GNAL: variants seen among roughly 807,000 people sequenced by gnomAD.
The protein encoded by GNAL is guanine nucleotide-binding protein G(olf) subunit alpha.
GNAL carries 18 observed loss-of-function variants against 55.1 expected under a neutral mutation model. The observed-to-expected ratio is 0.33, with a 90% CI of 0.23 to 0.48. GNAL has a LOEUF of 0.48. GNAL is among the 20% of genes least tolerant of loss of function. The probability of loss-of-function intolerance (pLI) is 0.99; values close to 1 mark genes in which losing one functional copy is unlikely to be tolerated. For missense variants in GNAL, 412 were observed against 614.1 expected (o/e 0.67, Z 3.48); for synonymous variants, 253 against 237.0 (o/e 1.07, Z -0.62).
At chr18:11,876,478 C>G in intron 10 of GNAL, 143 bp from the exon 11 acceptor site, 1 of 634,846 alleles carries the variant, frequency 1.6e-6, no homozygotes, top group Non-Finnish European at 2.8e-6. Flanking sequence ...AAAAAAAGTA[C>G]ATGTTTGTTT....
chr18:11,811,971 C>G (rs190692156), intron 4 of GNAL, among the ~76,000 whole-genome samples: 5 of 152,260 alleles, frequency 3.3e-5, no homozygotes, highest in Non-Finnish European at 5.9e-5. Context: ...TATTTTATTT[C>G]TGTTCCCACA....
chr18:11,742,596 C>T (rs937822180), intron 1 of GNAL, among the ~76,000 whole-genome samples: 1 of 152,248 alleles, frequency 6.6e-6, no homozygotes, highest in African/African-American at 2.4e-5. Flanking sequence ...CTCATATGCT[C>T]ACCCGACCTC....
chr18:11,787,724 A>G (rs1044793838), intron 4 of GNAL, among the ~76,000 whole-genome samples: 2 of 152,128 alleles, frequency 1.3e-5, no homozygotes, highest in Non-Finnish European at 2.9e-5. Context: ...AATACAAAAA[A>G]TTAGCCAGGC....
chr18:11,876,950 G>C (rs973813609), intron 11 of GNAL, among the ~76,000 whole-genome samples: 1 of 152,178 alleles, frequency 6.6e-6, no homozygotes, highest in African/African-American at 2.4e-5. Context: ...GGATGGGCTA[G>C]ACTTCATTCA....
intron 5 of GNAL, among the ~76,000 whole-genome samples, chr18:11,835,871 G>A (rs1242408190): frequency 6.6e-6 from 1 of 152,298 alleles, no homozygotes; most frequent in South Asian, 2.1e-4. Context: ...CCCACCAGGC[G>A]AGGTGGCTCA....
intron 10 of GNAL, among the ~76,000 whole-genome samples, chr18:11,872,624 C>T (rs1042054573): frequency 1.3e-5 from 2 of 152,168 alleles, no homozygotes; most frequent in African/African-American, 4.8e-5. Context: ...TGAAACCGTG[C>T]AGCAGAAGAA....
intron 1 of GNAL, among the ~76,000 whole-genome samples, chr18:11,731,910 T>A (rs1175428056): frequency 6.6e-6 from 1 of 152,246 alleles, no homozygotes; most frequent in Non-Finnish European, 1.5e-5. Context: ...CAGATTTGCC[T>A]ATTCTGGACA....
chr18:11,749,574 G>T (rs75398574), intron 1 of GNAL, among the ~76,000 whole-genome samples: 2 of 152,122 alleles, frequency 1.3e-5, no homozygotes, highest in East Asian at 3.8e-4. Context: ...TACCGGTGCC[G>T]CAGGTACAAG....
chr18:11,697,816 G>A (rs151099348), intron 1 of GNAL, among the ~76,000 whole-genome samples: 36 of 152,298 alleles, frequency 2.4e-4, no homozygotes, highest in African/African-American at 8.7e-4. Flanking sequence ...AGTGAGCTCC[G>A]GTCTAGATGT....
chr18:11,867,835 A>ATAC (rs1313751817), intron 8 of GNAL, among the ~76,000 whole-genome samples: 1 of 148,796 alleles, frequency 6.7e-6, no homozygotes, highest in Non-Finnish European at 1.5e-5. Context: ...AATAATAATA[A>ATAC]AAAAATTAGC....
At chr18:11,762,249 G>A (rs1007218332) in intron 4 of GNAL, among the ~76,000 whole-genome samples, 4 of 152,192 alleles carry the variant, frequency 2.6e-5, no homozygotes, top group African/African-American at 9.7e-5. Flanking sequence ...ACATCACAGA[G>A]TAGTCCATAA....
At chr18:11,760,892 T>C (rs2033218771) in intron 4 of GNAL, among the ~76,000 whole-genome samples, 1 of 152,226 alleles carries the variant, frequency 6.6e-6, no homozygotes, top group Non-Finnish European at 1.5e-5. Flanking sequence ...TATCTGCCTT[T>C]TCTCAATGGT....
In GNAL at chr18:11,835,329, A is replaced by C. The variant is rs1341853682; in HGVS notation, c.722+10314A>C. On this transcript the variant is annotated intron_variant, in intron 5 of 11. Transcript: ENST00000334049. Reference sequence around the variant, plus strand: ...TGGATAGATCTGTGATTTTTTTTTTAAGTACAATAAAATGAAGCTGGGCAC... The same window carrying C: ...TGGATAGATCTGTGATTTTTTTTTTCAGTACAATAAAATGAAGCTGGGCAC... 2.6e-5 allele frequency among the ~76,000 whole-genome samples: 4 copies of C among 151,500 alleles called. No individual in the cohort carries two copies. The South Asian group carries it at 6.2e-4, about 24-fold the overall frequency.
intron 4 of GNAL, among the ~76,000 whole-genome samples, chr18:11,795,495 T>C (rs1425376452): frequency 6.6e-6 from 1 of 151,460 alleles, no homozygotes; most frequent in Non-Finnish European, 1.5e-5. Context: ...TAGATTGAAA[T>C]AATTTATAAA....
chr18:11,727,909 T>C (rs1156589892), intron 1 of GNAL, among the ~76,000 whole-genome samples: 1 of 152,162 alleles, frequency 6.6e-6, no homozygotes, highest in African/African-American at 2.4e-5. Flanking sequence ...TTATAGCTAT[T>C]TGTGGCAACA....
chr18:11,692,199 A>G (rs1398605062), intron 1 of GNAL, among the ~76,000 whole-genome samples: 1 of 152,206 alleles, frequency 6.6e-6, no homozygotes, highest in African/African-American at 2.4e-5. Flanking sequence ...GCCCGCTTAT[A>G]AATGAATGCA....
At position 11,753,819 on chromosome 18, in the gene GNAL, A is replaced by G; in HGVS notation, c.505-7A>G. 4 of 1,604,874 alleles carry G rather than the reference A, an allele frequency of 2.5e-6. No homozygotes were observed. Among genetic ancestry groups the G allele is most frequent in the Non-Finnish European group, 3.4e-6 (4 of 1,172,664 alleles). Reference sequence around the variant, plus strand: ...TTATCCATATTTTTTTTCTTATTCCATTTTAGACAATTGTTTCAGCAATGA... The same window carrying G: ...TTATCCATATTTTTTTTCTTATTCCGTTTTAGACAATTGTTTCAGCAATGA... On this transcript the variant is annotated splice_polypyrimidine_tract_variant and splice_region_variant and intron_variant, in intron 3 of 11. Transcript: ENST00000334049.
intron 4 of GNAL, among the ~76,000 whole-genome samples, chr18:11,805,008 G>A (rs140844681): frequency 1.3e-5 from 2 of 150,874 alleles, no homozygotes; most frequent in Non-Finnish European, 3.0e-5. Context: ...AAGTACAGAT[G>A]CAGTTTGAAT....
intron 5 of GNAL, among the ~76,000 whole-genome samples, chr18:11,847,257 A>G (rs2035759880): frequency 6.6e-6 from 1 of 152,136 alleles, no homozygotes; most frequent in African/African-American, 2.4e-5. Flanking sequence ...ACACAAATAT[A>G]TGCAAAAAAT....
Sources: gnomAD v4.1 joint callset for allele counts (sites outside exome capture counted in the v4.1 genomes callset) on GRCh38, gnomAD v4.1.1 for gene constraint, MANE v1.5 for transcripts, NCBI Gene and HGNC (gene_info 2026-07-23, HGNC 2026-07-21) for gene names.